Variants in MLXIPL observed in about 807,000 individuals in gnomAD.
MLXIPL encodes MLX interacting protein like, also known as carbohydrate-responsive element-binding protein.
A neutral mutation model predicts 81.5 loss-of-function variants in MLXIPL; 49 were observed. The ratio of observed to expected loss-of-function variants is 0.60; its 90% CI spans 0.48 to 0.76. The LOEUF (loss-of-function observed/expected upper bound fraction) is 0.76, where lower values mean the gene tolerates loss of function less well. Among genes scored for constraint, MLXIPL ranks in the 30% least tolerant of loss-of-function variants. The probability of loss-of-function intolerance (pLI) is 0.00; values close to 1 mark genes in which losing one functional copy is unlikely to be tolerated. For missense variants in MLXIPL, 1,053 were observed against 1,167.0 expected (o/e 0.90, Z 1.42); for synonymous variants, 466 against 485.5 (o/e 0.96, Z 0.53).
intron 7 of MLXIPL, among the ~76,000 whole-genome samples, chr7:73,600,335 G>A (rs1441354784): frequency 3.2e-4 from 43 of 134,404 alleles, no homozygotes; most frequent in Non-Finnish European, 1.3e-4. Context: ...TGAGTGGTGT[G>A]TGGGCAAGAG....
Position 73,596,518 on chromosome 7 carries a change from CA to C in MLXIPL, c.1823-40del, listed in dbSNP as rs1473739176. 1 of 1,611,150 alleles carries C rather than the reference CA, an allele frequency of 6.2e-7. No individual in the cohort carries two copies. The highest frequency in any genetic ancestry group is 8.5e-7 in the Non-Finnish European group (1 of 1,178,892). On this transcript the variant is annotated intron_variant, in intron 11 of 16. Transcript: ENST00000313375. This position sits in a 1 kb window ranked among gnomAD's most constrained non-coding sequence, Gnocchi z 4.7. ...AGACAGACCCACAGAAAGACCGACC[CA>C]GGGGAAAGGGTCCCCATTGCCCCCT...
chr7:73,612,692 A>G (rs1296346669), intron 2 of MLXIPL, among the ~76,000 whole-genome samples: 1 of 151,596 alleles, frequency 6.6e-6, no homozygotes, highest in Non-Finnish European at 1.5e-5. Flanking sequence ...GTCAGGGCCA[A>G]GTGAAGCCCC....
the MLXIPL span, among the ~76,000 whole-genome samples, chr7:73,631,600 G>T: frequency 9.1e-6 from 1 of 110,134 alleles, no homozygotes; most frequent in African/African-American, 3.2e-5. Context: ...TAGAGATGGG[G>T]TCTGCTATGC....
At chr7:73,629,340 G>T (rs140595189), upstream of MLXIPL, among the ~76,000 whole-genome samples, 3 of 151,782 alleles carry the variant, frequency 2.0e-5, no homozygotes, top group Admixed American at 6.6e-5. Context: ...GTGCCTGGCC[G>T]CACCACCCTT....
At chr7:73,606,868 G>T in intron 5 of MLXIPL, 106 bp downstream of exon 5, 2 of 1,243,590 alleles carry the variant, frequency 1.6e-6, no homozygotes, top group Non-Finnish European at 1.2e-6. Flanking sequence ...CCACCCTCAT[G>T]CCCAGCCACT....
Position 73,616,167 on chromosome 7 carries a change from C to A in MLXIPL, c.304G>T (p.Val102Leu), listed in dbSNP as rs1481179938. Reference protein sequence around the residue: ...CLSLAYSGKLVSPKWKNFKGL... With the variant: ...CLSLAYSGKLLSPKWKNFKGL... Reference sequence around the variant, plus strand: ...TTGAAATTCTTCCACTTGGGAGACACCAGCTTGCCACTGTCAAAGGGGAGA... The same window carrying A: ...TTGAAATTCTTCCACTTGGGAGACAACAGCTTGCCACTGTCAAAGGGGAGA... Residue 102 changes from valine (V) to leucine (L), a missense_variant, in exon 2 of 17, where the codon GTG (valine) becomes TTG (leucine). Physicochemically the swap from Val to Leu is conservative, Grantham distance 32 (BLOSUM62 1). This residue lies in a region of MLXIPL where 226 missense variants were observed against 216.2 expected (regional missense o/e 1.05). Coordinates refer to ENST00000313375, the MANE Select transcript of MLXIPL (RefSeq NM_032951.3). The A allele has an allele frequency of 6.2e-7, 1 of 1,613,598 alleles. No individual in the cohort carries two copies. The highest frequency in any genetic ancestry group is 8.5e-7 in the Non-Finnish European group (1 of 1,179,684).
upstream of MLXIPL, among the ~76,000 whole-genome samples, chr7:73,626,341 C>T (rs1454133340): frequency 6.6e-6 from 1 of 152,202 alleles, no homozygotes; most frequent in Non-Finnish European, 1.5e-5. Context: ...CTCGCTCTGT[C>T]ACCCAGGCTG....
the MLXIPL span, among the ~76,000 whole-genome samples, chr7:73,640,613 C>A: frequency 4.0e-5 from 6 of 151,304 alleles, no homozygotes; most frequent in African/African-American, 1.5e-4. Flanking sequence ...CCTGTCTCTA[C>A]TAAGAATACA....
intron 1 of MLXIPL, among the ~76,000 whole-genome samples, chr7:73,622,054 C>T (rs1796421460): frequency 8.8e-6 from 1 of 113,934 alleles, no homozygotes; most frequent in Non-Finnish European, 1.8e-5. Flanking sequence ...CCAACAAGGT[C>T]TCACTCTATC....
chr7:73,632,909 A>G, the MLXIPL span, among the ~76,000 whole-genome samples: 1 of 151,420 alleles, frequency 6.6e-6, no homozygotes, highest in Admixed American at 6.6e-5. Context: ...CCTTGTGAGT[A>G]GCTGGGATTA....
rs1200845792 is a variant in MLXIPL, at chr7:73,599,800, G to A, written c.902-105C>T. 4 of 1,112,882 alleles carry A rather than the reference G, an allele frequency of 3.6e-6. No individual in the cohort carries two copies. The East Asian group carries it at 9.5e-5, about 27-fold the overall frequency. The allele number at this position is 1,112,882 out of a possible 1,614,324, so 68.9% of individuals were successfully genotyped here. ...CCCCAGCCTTGGCGGGTGGGGACAT[G>A]GGGACTGGCGGGCAGAGGGTGGGGG... On this transcript the variant is annotated intron_variant, in intron 7 of 16. Transcript: ENST00000313375.
At position 73,606,092 on chromosome 7, in the gene MLXIPL, G is replaced by A. The variant is rs782365151; in HGVS notation, c.638C>T (p.Pro213Leu). 35 of 1,581,598 alleles carry A rather than the reference G, an allele frequency of 2.2e-5. No individual in the cohort carries two copies. The East Asian group carries it at 5.1e-4, about 23-fold the overall frequency. The change falls in exon 6 of 17, where the codon CCG becomes CTG. Residue 213 changes from proline to leucine, a missense_variant. Around this residue, in one of 3 missense-constraint regions of MLXIPL, gnomAD observed 823 missense variants for 933.0 expected, o/e 0.88. Coordinates refer to ENST00000313375, the MANE Select transcript of MLXIPL (RefSeq NM_032951.3). Reference protein sequence around the residue: ...APKQAEGRWPPPEQWCKQLFS... With the variant: ...APKQAEGRWPLPEQWCKQLFS... ...GAGCTGTTTGCACCATTGCTCCGGC[G>A]GCGGCCACCTGCCTTCCGCCTAGGG...
At chr7:73,594,722 T>C (rs1326057568) in intron 15 of MLXIPL, among the ~76,000 whole-genome samples, 1 of 151,870 alleles carries the variant, frequency 6.6e-6, no homozygotes, top group Admixed American at 6.6e-5. Flanking sequence ...CTAATTTTTG[T>C]ATTTTTAGTA....
intron 1 of MLXIPL, among the ~76,000 whole-genome samples, chr7:73,621,819 C>T (rs1358654049): frequency 9.9e-6 from 1 of 100,548 alleles, no homozygotes; most frequent in Non-Finnish European, 2.1e-5. Flanking sequence ...CTCCCTCCAT[C>T]TCCCTCCGTC....
the MLXIPL span, among the ~76,000 whole-genome samples, chr7:73,638,057 C>T: frequency 6.6e-6 from 1 of 152,228 alleles, no homozygotes; most frequent in Non-Finnish European, 1.5e-5. Flanking sequence ...TCCCCATGGC[C>T]AGGGTCTGGT....
At position 73,624,251 on chromosome 7, in the gene MLXIPL, C is replaced by T. The variant is rs1554603006; in HGVS notation, c.242G>A (p.Ser81Asn). Residue 81 changes from serine to asparagine, a missense_variant, in exon 1 of 17, where the codon AGT (serine) becomes AAT (asparagine). Ser to Asn is a conservative substitution (Grantham distance 46). This residue lies in a region of MLXIPL where 226 missense variants were observed against 216.2 expected (regional missense o/e 1.05). Coordinates refer to ENST00000313375, the MANE Select transcript of MLXIPL (RefSeq NM_032951.3). ...GAGGCGTGTGAGTGTGGGGTCGATACTGCGCGGCCCGAAGTCGGAGGGCCC... is the reference window on the plus strand; with the variant it reads ...GAGGCGTGTGAGTGTGGGGTCGATATTGCGCGGCCCGAAGTCGGAGGGCCC... ...SVGPSDFGPR[S>N]IDPTLTRLFE... 1.9e-6 allele frequency: 3 copies of T among 1,594,908 alleles called. No homozygotes were observed. The East Asian group carries it at 6.8e-5, about 36-fold the overall frequency.
chr7:73,626,923 A>C (rs2116561298), upstream of MLXIPL, among the ~76,000 whole-genome samples: 1 of 152,258 alleles, frequency 6.6e-6, no homozygotes, highest in South Asian at 2.1e-4. Context: ...CCACAGGAGG[A>C]TCACACAGCA....
At chr7:73,626,630 C>T (rs1796760716), upstream of MLXIPL, among the ~76,000 whole-genome samples, 1 of 152,184 alleles carries the variant, frequency 6.6e-6, no homozygotes, top group Non-Finnish European at 1.5e-5. Flanking sequence ...CTCACTGGAG[C>T]GTTTAACTAA....
the MLXIPL span, among the ~76,000 whole-genome samples, chr7:73,646,656 T>C: frequency 2.0e-5 from 3 of 152,148 alleles, no homozygotes; most frequent in Non-Finnish European, 4.4e-5. Context: ...AGCTCAGACC[T>C]CTTCTGGTAT....
Sources: gnomAD v4.1 joint callset for allele counts (sites outside exome capture counted in the v4.1 genomes callset) on GRCh38, gnomAD v4.1.1 for gene constraint, gnomAD v4.1.1 regional missense constraint, Gnocchi (gnomAD v3.1) non-coding constraint, MANE v1.5 for transcripts, NCBI Gene and HGNC (gene_info 2026-07-23, HGNC 2026-07-21) for gene names.